Variants in CEMIP observed in about 807,000 individuals in gnomAD.
CEMIP encodes the protein cell migration inducing hyaluronidase 1, also known as cell migration-inducing and hyaluronan-binding protein.
In CEMIP, 105 loss-of-function variants were observed where a neutral mutation model predicts 156.9. The ratio of observed to expected loss-of-function variants is 0.67; its 90% CI spans 0.57 to 0.79. CEMIP has a LOEUF of 0.79. CEMIP is among the 30% of genes least tolerant of loss of function. CEMIP has a pLI of 0.00. For missense variants in CEMIP, 1,457 were observed against 1,769.4 expected (o/e 0.82, Z 3.17); for synonymous variants, 676 against 668.4 (o/e 1.01, Z -0.17).
intron 28 of CEMIP, chr15:80,946,654 A>G: frequency 2.6e-6 from 1 of 384,202 alleles, no homozygotes. Context: ...CTGGCATGGT[A>G]CGCTCTGCTT....
chr15:80,891,494 C>G (rs1481628778), intron 10 of CEMIP, among the ~76,000 whole-genome samples: 1 of 152,230 alleles, frequency 6.6e-6, no homozygotes, highest in Non-Finnish European at 1.5e-5. Context: ...TCCCCAAATT[C>G]AAGTTCTCCA....
intron 12 of CEMIP, among the ~76,000 whole-genome samples, chr15:80,896,727 T>C (rs1899239743): frequency 6.6e-6 from 1 of 152,220 alleles, no homozygotes; most frequent in Non-Finnish European, 1.5e-5. Context: ...GGGAGTTATG[T>C]ATCAATTAGA....
chr15:80,942,894 C>T, intron 27 of CEMIP, 51 bp from the exon 28 acceptor site: 1 of 1,611,528 alleles, frequency 6.2e-7, no homozygotes, highest in Admixed American at 1.7e-5. Context: ...GGCAGGAGAA[C>T]CATGGGGCCT....
chr15:80,899,840 G>A (rs1030001985), intron 12 of CEMIP, among the ~76,000 whole-genome samples: 4 of 152,208 alleles, frequency 2.6e-5, no homozygotes, highest in African/African-American at 9.7e-5. Flanking sequence ...GAATGACTAT[G>A]TGTCACCCAG....
rs886908268 is a variant in CEMIP, at chr15:80,889,580, C to T, written c.1074C>T (p.Pro358=). 7 of 1,614,108 alleles carry T rather than the reference C, an allele frequency of 4.3e-6. No individual in the cohort carries two copies. The Admixed American group carries it at 6.7e-5, about 15-fold the overall frequency. Residue 358 remains proline (P), a synonymous_variant, in exon 10 of 30, where the codon CCC becomes CCT. Transcript: ENST00000394685. Reference sequence around the variant, plus strand: ...ACCCAGGAAAAATATGCAATCGTCCCATTGATATACAGGTACCAAACTCAC... The same window carrying T: ...ACCCAGGAAAAATATGCAATCGTCCTATTGATATACAGGTACCAAACTCAC... ...KAHPGKICNR[P]IDIQATTMDG... is the part of the protein sequence containing the mutation.
intron 1 of CEMIP, among the ~76,000 whole-genome samples, chr15:80,800,021 A>ATGTGTGTGTGTGTGTGTG (rs56412231): frequency 0.049 from 6,076 of 124,762 alleles, 286 homozygotes; most frequent in Admixed American, 0.088. Flanking sequence ...AGCTAATTTT[A>ATGTGTGTGTGTGTGTGTG]TGTGTGTGTG....
At chr15:80,857,273 C>G (rs1897875182) in intron 1 of CEMIP, among the ~76,000 whole-genome samples, 1 of 152,254 alleles carries the variant, frequency 6.6e-6, no homozygotes, top group Non-Finnish European at 1.5e-5. Context: ...TCATGACATT[C>G]CAGCCTGGCT....
intron 14 of CEMIP, chr15:80,909,558 G>A (rs1433055773): frequency 1.7e-6 from 1 of 571,956 alleles, no homozygotes; most frequent in Admixed American, 2.2e-5. Context: ...TGGGAGTCCA[G>A]TTTTTCCTGT....
At chr15:80,887,055 G>A (rs1468037179) in intron 7 of CEMIP, among the ~76,000 whole-genome samples, 2 of 152,126 alleles carry the variant, frequency 1.3e-5, no homozygotes, top group African/African-American at 2.4e-5. Flanking sequence ...TAGGCATTAC[G>A]CAAAATGCCT....
chr15:80,922,200 T>C, intron 17 of CEMIP, 63 bp downstream of exon 17: 1 of 1,603,650 alleles, frequency 6.2e-7, no homozygotes, highest in Non-Finnish European at 8.5e-7. Flanking sequence ...GGCCTGCAGA[T>C]GATTAGAGCC....
Position 80,881,058 on chromosome 15 carries a change from T to C in CEMIP, c.539T>C (p.Phe180Ser). 2 of 1,614,232 alleles carry C rather than the reference T, an allele frequency of 1.2e-6. No homozygotes were observed. The highest frequency in any genetic ancestry group is 1.7e-6 in the Non-Finnish European group (2 of 1,180,042). ...GGCATGGCAGAAGGAGGCTATTTTT[T>C]TGAAAGGAGCTGGGGCCACCGTGGA... Reference protein sequence around the residue: ...PGGMAEGGYFFERSWGHRGVI... With the variant: ...PGGMAEGGYFSERSWGHRGVI... Residue 180 changes from phenylalanine (F) to serine (S), a missense_variant, in exon 6 of 30, where the codon TTT (phenylalanine) becomes TCT (serine). Transcript: ENST00000394685.
chr15:80,821,566 C>G (rs1378085084), intron 1 of CEMIP, among the ~76,000 whole-genome samples: 2 of 152,114 alleles, frequency 1.3e-5, no homozygotes, highest in Non-Finnish European at 2.9e-5. Flanking sequence ...ATTCAAGAGG[C>G]CTGTGAGAGA....
At position 80,934,450 on chromosome 15, in the gene CEMIP, T is replaced by G. The variant is rs534610610; in HGVS notation, c.3009+990T>G. On this transcript the variant is annotated intron_variant, in intron 23 of 29. Coordinates refer to ENST00000394685, the MANE Select transcript of CEMIP (RefSeq NM_001293298.2). Reference sequence around the variant, plus strand: ...TAGCTATTATTATATTATTGTTACTTCTAGTATTTTGATGAATGACTAATG... The same window carrying G: ...TAGCTATTATTATATTATTGTTACTGCTAGTATTTTGATGAATGACTAATG... 2.6e-5 allele frequency among the ~76,000 whole-genome samples: 4 copies of G among 152,332 alleles called. No individual in the cohort carries two copies. The South Asian group carries it at 8.3e-4, about 32-fold the overall frequency.
At chr15:80,868,169 G>T (rs866196751) in intron 1 of CEMIP, among the ~76,000 whole-genome samples, 61 of 152,284 alleles carry the variant, frequency 4.0e-4, no homozygotes, top group African/African-American at 1.4e-3. Context: ...GGTCACAAAG[G>T]AAGGGGGAAA....
intron 17 of CEMIP, among the ~76,000 whole-genome samples, chr15:80,922,569 T>C (rs181641719): frequency 4.2e-4 from 64 of 152,308 alleles, no homozygotes; most frequent in African/African-American, 1.4e-3. Flanking sequence ...GGAGGCAGCA[T>C]TGGCATCCTC....
In CEMIP at chr15:80,932,159, C is replaced by A; in HGVS notation, c.2793+120C>A. ...ACCGCAGGGGTTGAGAAGCCTCCTC[C>A]AACTAGGCTGGGCCATGTCCCAGTT... On this transcript the variant is annotated intron_variant, in intron 22 of 29. Transcript: ENST00000394685. The surrounding 1 kb of genome is among the most constrained non-coding windows in gnomAD (Gnocchi z 4.5). 1.8e-6 allele frequency: 2 copies of A among 1,140,676 alleles called. No homozygotes were observed. The highest frequency in any genetic ancestry group is 2.6e-6 in the Non-Finnish European group (2 of 773,156). 70.7% of individuals were successfully genotyped at this position (1,140,676 alleles called of 1,614,324 possible). A position where few individuals can be genotyped will look rare whatever the true frequency, so the allele number is the denominator to read the frequency against.
intron 3 of CEMIP, among the ~76,000 whole-genome samples, chr15:80,876,958 T>C (rs1222820621): frequency 2.6e-5 from 4 of 152,198 alleles, no homozygotes; most frequent in Non-Finnish European, 4.4e-5. Flanking sequence ...AGAGGTTTAA[T>C]GGACTCACAG....
chr15:80,919,986 C>T (rs1055606731), intron 14 of CEMIP, 108 bp from the exon 15 acceptor site: 1 of 1,021,332 alleles, frequency 9.8e-7, no homozygotes. Flanking sequence ...TTAGTGTTTG[C>T]TGAATGAATG....
chr15:80,943,018 T>TG lies in CEMIP; in HGVS notation c.3775dup (p.Val1259GlyfsTer27). The TG allele has an allele frequency of 1.2e-6, 2 of 1,614,188 alleles. No individual in the cohort carries two copies. Among genetic ancestry groups the TG allele is most frequent in the Non-Finnish European group, 1.7e-6 (2 of 1,180,028 alleles). The stretch of plus-strand genomic sequence containing the variant: ...GTGATTGACGGGAACCAAGGGCGCG[T>TG]GGTGAGCCACACGAGCTTCAGGAAC... On this transcript the variant is annotated frameshift_variant, in exon 28 of 30. Coordinates refer to ENST00000394685, the MANE Select transcript of CEMIP (RefSeq NM_001293298.2). LOFTEE classifies it high-confidence loss of function.
Sources: gnomAD v4.1 joint callset for allele counts (sites outside exome capture counted in the v4.1 genomes callset) on GRCh38, gnomAD v4.1.1 for gene constraint, Gnocchi (gnomAD v3.1) non-coding constraint, MANE v1.5 for transcripts, NCBI Gene and HGNC (gene_info 2026-07-23, HGNC 2026-07-21) for gene names.